The following NXPE2 variants were observed in gnomAD, a reference collection of about 807,000 sequenced individuals.
NXPE2 encodes the protein NXPE family member 2.
A neutral mutation model predicts 34.4 loss-of-function variants in NXPE2; 34 were observed. The observed-to-expected ratio is 0.99, with a 90% confidence interval of 0.75 to 1.31. The LOEUF (loss-of-function observed/expected upper bound fraction) is 1.31. Among genes scored for constraint, NXPE2 ranks in the 40% most tolerant of loss-of-function variants. The pLI is 0.00. For missense variants in NXPE2, 649 were observed against 672.5 expected (o/e 0.97, Z 0.39); for synonymous variants, 235 against 231.3 (o/e 1.02, Z -0.15).
At chr11:114,709,791 A>G (rs1483115558), downstream of NXPE2, among the ~76,000 whole-genome samples, 1 of 152,002 alleles carries the variant, frequency 6.6e-6, no homozygotes, top group African/African-American at 2.4e-5. Context: ...AGTCCCAGCT[A>G]CTCGGGAGGC....
chr11:114,708,885 C>G (rs532809699), downstream of NXPE2, among the ~76,000 whole-genome samples: 1 of 152,270 alleles, frequency 6.6e-6, no homozygotes, highest in South Asian at 2.1e-4. Context: ...TTCCTTCAAC[C>G]TGGTTCTGAC....
At chr11:114,519,396 G>A in the NXPE2 span, among the ~76,000 whole-genome samples, 5 of 151,996 alleles carry the variant, frequency 3.3e-5, no homozygotes, top group Admixed American at 3.3e-4. Flanking sequence ...CTAAAGAGAT[G>A]GTAAATGTTT....
the NXPE2 span, chr11:114,559,725 T>C: frequency 6.6e-6 from 1 of 152,272 alleles, no homozygotes; most frequent in African/African-American, 2.4e-5. Context: ...TGCTTTGTTC[T>C]TCCCTGCCCT....
chr11:114,801,652 A>G, the NXPE2 span, among the ~76,000 whole-genome samples: 150 of 152,114 alleles, frequency 9.9e-4, 3 homozygotes, highest in Middle Eastern at 3.4e-3. Flanking sequence ...GTTGTGATAG[A>G]CCAGGATGTG....
At chr11:114,596,286 T>C in the NXPE2 span, among the ~76,000 whole-genome samples, 1 of 152,158 alleles carries the variant, frequency 6.6e-6, no homozygotes, top group African/African-American at 2.4e-5. Flanking sequence ...TTTGAATCCA[T>C]CTGGGATTTG....
At chr11:114,738,474 A>C in the NXPE2 span, among the ~76,000 whole-genome samples, 1 of 152,084 alleles carries the variant, frequency 6.6e-6, no homozygotes. Context: ...TTTCCTTGGG[A>C]CCTAAAGCAA....
the NXPE2 span, among the ~76,000 whole-genome samples, chr11:114,546,471 C>CT: frequency 0.011 from 1,641 of 145,988 alleles, 15 homozygotes; most frequent in Non-Finnish European, 0.018. Flanking sequence ...TTTTCTTTTT[C>CT]TTTTTTTTTT....
chr11:114,663,253 T>A, the NXPE2 span, among the ~76,000 whole-genome samples: 6 of 152,244 alleles, frequency 3.9e-5, no homozygotes, highest in South Asian at 1.2e-3. Context: ...TGTCTTGTGG[T>A]TTCAGTGCCA....
chr11:114,712,599 C>G, the NXPE2 span, among the ~76,000 whole-genome samples: 171 of 152,278 alleles, frequency 1.1e-3, no homozygotes, highest in African/African-American at 4.0e-3. Context: ...TGGCCGCTAT[C>G]AACAGAACAC....
At chr11:114,728,059 G>A in the NXPE2 span, among the ~76,000 whole-genome samples, 43,771 of 151,800 alleles carry the variant, frequency 0.29, 6,874 homozygotes, top group Middle Eastern at 0.41. Context: ...TGTATTCCTT[G>A]GCTGTGGCCC....
rs1302311767 is a variant in NXPE2 at position 114,683,926 on chromosome 11, A to G, written c.132+4164A>G. 4.6e-5 allele frequency among the ~76,000 whole-genome samples: 3 copies of G among 65,058 alleles called. No individual in the cohort carries two copies. The East Asian group carries it at 2.0e-3, about 43-fold the overall frequency. The allele number at this position is 65,058 out of a possible 152,430, so 42.7% of individuals were successfully genotyped here. A position where few individuals can be genotyped will look rare whatever the true frequency, so the allele number is the denominator to read the frequency against. Reference sequence around the variant, plus strand: ...TGTGGGAGGTAAAGAGGTAGGTTTAACCAGGAGTTACATGTTACATTCCAG... The same window carrying G: ...TGTGGGAGGTAAAGAGGTAGGTTTAGCCAGGAGTTACATGTTACATTCCAG... On this transcript the variant is annotated intron_variant, in intron 2 of 5. Coordinates refer to ENST00000389586, the MANE Select transcript of NXPE2 (RefSeq NM_182495.6).
chr11:114,601,899 A>C, the NXPE2 span, among the ~76,000 whole-genome samples: 1 of 45,004 alleles, frequency 2.2e-5, no homozygotes, highest in Non-Finnish European at 4.4e-5. Flanking sequence ...TATTATATTT[A>C]TATATATTAT....
chr11:114,729,878 C>A, the NXPE2 span, among the ~76,000 whole-genome samples: 2 of 152,100 alleles, frequency 1.3e-5, no homozygotes, highest in East Asian at 1.9e-4. Context: ...TTGACAGTTT[C>A]TTTTGCTGTG....
chr11:114,694,477 G>C (rs1591436841), intron 2 of NXPE2, among the ~76,000 whole-genome samples: 1 of 152,060 alleles, frequency 6.6e-6, no homozygotes, highest in South Asian at 2.1e-4. Context: ...TCTATGGCTT[G>C]GTGTCTGTTA....
chr11:114,728,269 C>T, the NXPE2 span, among the ~76,000 whole-genome samples: 1 of 152,056 alleles, frequency 6.6e-6, no homozygotes, highest in Non-Finnish European at 1.5e-5. Context: ...TGCAAATCCC[C>T]TTTGCTACAA....
chr11:114,694,599 C>A (rs1951213334), intron 2 of NXPE2, among the ~76,000 whole-genome samples: 1 of 152,040 alleles, frequency 6.6e-6, no homozygotes, highest in Non-Finnish European at 1.5e-5. Context: ...TTGTGTTTGT[C>A]CCATAGTTGT....
the NXPE2 span, among the ~76,000 whole-genome samples, chr11:114,558,726 A>G: frequency 6.6e-6 from 1 of 152,220 alleles, no homozygotes; most frequent in African/African-American, 2.4e-5. Context: ...CTGCTGTGCT[A>G]TGTAAGAGTA....
chr11:114,590,926 T>A, the NXPE2 span, among the ~76,000 whole-genome samples: 1 of 152,146 alleles, frequency 6.6e-6, no homozygotes, highest in African/African-American at 2.4e-5. Context: ...GTTAGAAGGG[T>A]CAGCAGTTCT....
the NXPE2 span, among the ~76,000 whole-genome samples, chr11:114,746,416 T>A: frequency 1.1e-3 from 173 of 152,324 alleles, 1 homozygote; most frequent in African/African-American, 4.0e-3. Context: ...ACCCAGTATG[T>A]CAAATCCAGA....
Sources: allele counts gnomAD v4.1 joint callset (sites outside exome capture counted in the v4.1 genomes callset), GRCh38; gene constraint gnomAD v4.1.1; transcripts MANE v1.5; gene names NCBI Gene and HGNC (gene_info 2026-07-23, HGNC 2026-07-21).